The following CRACR2A variants were observed in gnomAD, a reference collection of about 807,000 sequenced individuals.
CRACR2A encodes calcium release activated channel regulator 2A, also known as EF-hand calcium-binding domain-containing protein 4B.
Under a neutral mutation model 90.5 loss-of-function variants are expected in CRACR2A, and 79 were observed. The ratio of observed to expected loss-of-function variants is 0.87; its 90% CI spans 0.73 to 1.05. The LOEUF (loss-of-function observed/expected upper bound fraction) is 1.05, where lower values mean the gene tolerates loss of function less well. CRACR2A is among the 50% of genes least tolerant of loss of function. CRACR2A has a pLI of 0.00. For synonymous variants in CRACR2A, 338 were observed against 356.7 expected (o/e 0.95, Z 0.59); for missense variants, 823 against 897.2 (o/e 0.92, Z 1.06).
chr12:3,615,759 G>A (rs1046853726), intron 19 of CRACR2A, among the ~76,000 whole-genome samples: 2 of 152,206 alleles, frequency 1.3e-5, no homozygotes, highest in African/African-American at 4.8e-5. Flanking sequence ...ATCACCCAGT[G>A]TCACAATGCG....
chr12:3,653,836 A>T (rs1395955961), intron 10 of CRACR2A, among the ~76,000 whole-genome samples: 4 of 152,212 alleles, frequency 2.6e-5, no homozygotes, highest in Non-Finnish European at 5.9e-5. Context: ...CTGTCTGCTC[A>T]CTCAGCATTT....
At chr12:3,727,383 T>C (rs1282689763) in intron 2 of CRACR2A, 1 of 152,206 alleles carries the variant, frequency 6.6e-6, no homozygotes, top group Non-Finnish European at 1.5e-5. Flanking sequence ...ATATTATTTT[T>C]AAAACAGCTT....
chr12:3,662,784 C>G (rs529814898), intron 7 of CRACR2A, among the ~76,000 whole-genome samples: 37 of 152,314 alleles, frequency 2.4e-4, no homozygotes, highest in African/African-American at 8.7e-4. Context: ...GCAGTGGCTG[C>G]GCGGGCAGTG....
At position 3,654,223 on chromosome 12, in the gene CRACR2A, T is replaced by C. The variant is rs375883962; in HGVS notation, c.1035A>G (p.Gln345=). 3.1e-6 allele frequency: 5 copies of C among 1,612,498 alleles called. No individual in the cohort carries two copies. The South Asian group carries it at 3.3e-5, about 11-fold the overall frequency. ...SLQQEACKLH[Q]EKEMEVYRVT... ...AAGGCTGGACTCACATCTCCTTCTC[T>C]TGGTGGAGTTTGCAGGCCTCTTGCT... The change falls in exon 10 of 20, where the codon CAA becomes CAG. Residue 345 remains glutamine, a synonymous_variant. Coordinates refer to ENST00000440314, the MANE Select transcript of CRACR2A (RefSeq NM_001144958.2).
rs765399992 is a variant in CRACR2A at position 3,627,694 on chromosome 12, C to T, written c.1748G>A (p.Arg583His). The T allele has an allele frequency of 1.7e-4, 265 of 1,551,646 alleles. No homozygotes were observed. The highest frequency in any genetic ancestry group is 2.1e-4 in the Non-Finnish European group (244 of 1,147,020). ...GMAATVGIDY[R>H]VKTLNVDNSQ... ...GTTGTCCACATTCAACGTCTTCACA[C>T]GGTAATCAATGCCTGCAGGGTGAAA... The change falls in exon 16 of 20, where the codon CGT becomes CAT. Residue 583 changes from arginine to histidine, a missense_variant. Arg to His is a conservative substitution (Grantham distance 29). Transcript: ENST00000440314.
intron 4 of CRACR2A, among the ~76,000 whole-genome samples, chr12:3,692,147 G>C (rs1945658237): frequency 6.6e-6 from 1 of 152,040 alleles, no homozygotes; most frequent in African/African-American, 2.4e-5. Context: ...TTTTCTTTTT[G>C]TCACATCAGC....
At chr12:3,638,002 T>TG in intron 14 of CRACR2A, 122 bp downstream of exon 14, 1 of 938,382 alleles carries the variant, frequency 1.1e-6, no homozygotes, top group East Asian at 2.7e-5. Context: ...GACACATATG[T>TG]GGTGAATCAT....
chr12:3,671,852 ACT>A (rs1323321465), intron 7 of CRACR2A, among the ~76,000 whole-genome samples: 1 of 152,136 alleles, frequency 6.6e-6, no homozygotes, highest in African/African-American at 2.4e-5. Flanking sequence ...AATACTGAAA[ACT>A]CTGTGAGATG....
At chr12:3,714,530 C>T (rs1946055239) in intron 2 of CRACR2A, among the ~76,000 whole-genome samples, 1 of 152,152 alleles carries the variant, frequency 6.6e-6, no homozygotes, top group African/African-American at 2.4e-5. Context: ...GAAAGCTGCC[C>T]TGTCTTGCCC....
At chr12:3,693,250 C>T (rs1945679680) in intron 4 of CRACR2A, among the ~76,000 whole-genome samples, 2 of 152,200 alleles carry the variant, frequency 1.3e-5, no homozygotes, top group Non-Finnish European at 2.9e-5. Context: ...GAGCTCTCTG[C>T]CAGTCAGCCA....
intron 18 of CRACR2A, among the ~76,000 whole-genome samples, chr12:3,619,039 C>T (rs1867753927): frequency 6.6e-6 from 1 of 152,190 alleles, no homozygotes; most frequent in South Asian, 2.1e-4. Context: ...GGATAATTCC[C>T]CATGCCCTAG....
intron 19 of CRACR2A, among the ~76,000 whole-genome samples, chr12:3,616,459 C>T (rs936351239): frequency 6.6e-6 from 1 of 152,184 alleles, no homozygotes; most frequent in Non-Finnish European, 1.5e-5. Context: ...GCTACCAGCA[C>T]CATTACCTTG....
intron 13 of CRACR2A, chr12:3,640,440 A>C: frequency 9.6e-7 from 1 of 1,044,598 alleles, no homozygotes; most frequent in Non-Finnish European, 1.2e-6. Flanking sequence ...CCTCATGTCT[A>C]ATTTATTTTT....
rs1210097635 is a variant in CRACR2A at position 3,659,309 on chromosome 12, C to T, written c.762+255G>A. Among the ~76,000 whole-genome samples, 3 of 152,096 alleles carry T rather than the reference C, an allele frequency of 2.0e-5. No individual in the cohort carries two copies. In the East Asian group the frequency reaches 5.8e-4, roughly 29 times the overall value. On this transcript the variant is annotated intron_variant, in intron 8 of 19. Coordinates refer to ENST00000440314, the MANE Select transcript of CRACR2A (RefSeq NM_001144958.2). ...AGGCATTGTCTATGTGCTGAGGATA[C>T]CTTAGTTAATAAAAGATAAAATCTC...
intron 2 of CRACR2A, among the ~76,000 whole-genome samples, chr12:3,725,120 A>G (rs1423264158): frequency 4.6e-5 from 7 of 151,946 alleles, no homozygotes; most frequent in Non-Finnish European, 1.0e-4. Context: ...GCTTTCACTC[A>G]CTTTGCTTCC....
chr12:3,745,168 T>C (rs150493563), intron 1 of CRACR2A, among the ~76,000 whole-genome samples: 5 of 152,264 alleles, frequency 3.3e-5, no homozygotes, highest in Non-Finnish European at 5.9e-5. Flanking sequence ...GGATGATCTG[T>C]ATCCGGGGTG....
intron 4 of CRACR2A, among the ~76,000 whole-genome samples, chr12:3,689,673 C>T (rs1284871743): frequency 6.6e-6 from 1 of 151,976 alleles, no homozygotes. Flanking sequence ...TGTGTCTCTG[C>T]CAGGTTTTGA....
intron 13 of CRACR2A, 96 bp from the exon 14 acceptor site, chr12:3,638,550 G>A (rs1944501601): frequency 3.7e-6 from 5 of 1,347,384 alleles, no homozygotes; most frequent in Non-Finnish European, 3.0e-6. Flanking sequence ...GATACCCAAG[G>A]AGCATCACAC....
chr12:3,685,895 T>G (rs1193117108), intron 4 of CRACR2A, among the ~76,000 whole-genome samples: 1 of 152,250 alleles, frequency 6.6e-6, no homozygotes, highest in Non-Finnish European at 1.5e-5. Context: ...GTGTGTTATC[T>G]GTATCTTACC....
Sources: allele counts gnomAD v4.1 joint callset (sites outside exome capture counted in the v4.1 genomes callset), GRCh38; gene constraint gnomAD v4.1.1; transcripts MANE v1.5; gene names NCBI Gene and HGNC (gene_info 2026-07-23, HGNC 2026-07-21).